Variants in MRAP2 observed in about 807,000 individuals in gnomAD.
The protein encoded by MRAP2 is melanocortin 2 receptor accessory protein 2, also known as melanocortin-2 receptor accessory protein 2.
In MRAP2, 20 loss-of-function variants were observed where a neutral mutation model predicts 17.4. The ratio of observed to expected loss-of-function variants is 1.15; its 90% CI spans 0.81 to 1.67. MRAP2 has a LOEUF of 1.67. Ranked by LOEUF, MRAP2 falls within the 40% of genes most tolerant of loss-of-function variation. The pLI, the probability that MRAP2 is intolerant of heterozygous loss-of-function variation, is 0.00. For synonymous variants in MRAP2, 96 were observed against 88.4 expected, an observed-to-expected ratio of 1.09 and a Z score of -0.48; for missense variants, 238 against 240.0, an observed-to-expected ratio of 0.99 and a Z score of 0.05.
the MRAP2 span, chr6:84,124,844 C>A: frequency 1.9e-6 from 1 of 538,480 alleles, no homozygotes; most frequent in Non-Finnish European, 3.2e-6. Flanking sequence ...AGGAAACTGT[C>A]CATAAATCAC....
the MRAP2 span, among the ~76,000 whole-genome samples, chr6:84,118,032 A>G: frequency 6.6e-6 from 1 of 152,128 alleles, no homozygotes; most frequent in East Asian, 1.9e-4. Context: ...GGATCCCTTC[A>G]TCCCCCAATC....
At chr6:84,130,903 G>C in the MRAP2 span, among the ~76,000 whole-genome samples, 1 of 152,060 alleles carries the variant, frequency 6.6e-6, no homozygotes, top group Non-Finnish European at 1.5e-5. Flanking sequence ...GCTAGCTTTT[G>C]AATTTGTTTG....
intron 1 of MRAP2, among the ~76,000 whole-genome samples, chr6:84,036,109 G>A (rs2099485898): frequency 1.3e-5 from 2 of 149,848 alleles, no homozygotes; most frequent in Admixed American, 1.3e-4. Context: ...GCCTCATTGT[G>A]TCATTTTCTG....
At chr6:84,121,879 C>G in the MRAP2 span, among the ~76,000 whole-genome samples, 1 of 138,888 alleles carries the variant, frequency 7.2e-6, no homozygotes, top group Non-Finnish European at 1.5e-5. Context: ...AACATCGCAC[C>G]TCAAGGACCT....
intron 3 of MRAP2, among the ~76,000 whole-genome samples, chr6:84,072,473 A>C (rs184189323): frequency 9.9e-5 from 15 of 152,262 alleles, no homozygotes; most frequent in African/African-American, 3.1e-4. Flanking sequence ...GTTCCAGTGG[A>C]GGTGGTAGGG....
At chr6:84,034,748 A>T (rs1423570687) in intron 1 of MRAP2, among the ~76,000 whole-genome samples, 1 of 152,106 alleles carries the variant, frequency 6.6e-6, no homozygotes, top group Non-Finnish European at 1.5e-5. Flanking sequence ...GGGAACTCTT[A>T]TGCATAAATT....
the MRAP2 span, among the ~76,000 whole-genome samples, chr6:84,119,028 G>C: frequency 1.1e-4 from 17 of 151,972 alleles, no homozygotes; most frequent in African/African-American, 4.1e-4. Flanking sequence ...ACTATATCTG[G>C]TCTCACTGGT....
the MRAP2 span, chr6:84,126,654 T>G: frequency 5.4e-6 from 3 of 553,040 alleles, no homozygotes; most frequent in African/African-American, 2.0e-5. Context: ...TAGCTTTCAT[T>G]CTCTATATCC....
At chr6:84,045,458 TG>T (rs1173996470) in intron 1 of MRAP2, among the ~76,000 whole-genome samples, 2 of 150,866 alleles carry the variant, frequency 1.3e-5, no homozygotes, top group Non-Finnish European at 3.0e-5. Flanking sequence ...TGAAGAAGCC[TG>T]AAAAAAAAAA....
At chr6:84,047,492 TAA>T (rs76197845) in intron 1 of MRAP2, among the ~76,000 whole-genome samples, 4 of 142,076 alleles carry the variant, frequency 2.8e-5, no homozygotes, top group African/African-American at 7.7e-5. Flanking sequence ...AAGCCTAGCC[TAA>T]AAAAAAAAAA....
At chr6:84,046,932 T>C (rs1257038378) in intron 1 of MRAP2, among the ~76,000 whole-genome samples, 1 of 151,812 alleles carries the variant, frequency 6.6e-6, no homozygotes, top group Non-Finnish European at 1.5e-5. Context: ...GGATGATTCC[T>C]CACAGCTTAG....
intron 3 of MRAP2, among the ~76,000 whole-genome samples, chr6:84,076,188 G>T (rs1174351700): frequency 1.3e-5 from 2 of 151,252 alleles, no homozygotes; most frequent in South Asian, 2.1e-4. Context: ...TCAGCCTCCT[G>T]AGTAACTGGG....
At chr6:84,081,744 G>A (rs1037205916) in intron 3 of MRAP2, among the ~76,000 whole-genome samples, 8 of 152,210 alleles carry the variant, frequency 5.3e-5, no homozygotes, top group African/African-American at 1.9e-4. Context: ...ACTTAAACTG[G>A]GAGGCAGAGG....
intron 1 of MRAP2, among the ~76,000 whole-genome samples, chr6:84,054,510 A>G (rs1161722221): frequency 6.6e-6 from 1 of 152,204 alleles, no homozygotes; most frequent in African/African-American, 2.4e-5. Context: ...TGCAAGATCC[A>G]CTATGCAACT....
intron 3 of MRAP2, among the ~76,000 whole-genome samples, chr6:84,070,467 T>C (rs991810247): frequency 2.0e-5 from 3 of 152,346 alleles, no homozygotes; most frequent in African/African-American, 4.8e-5. Flanking sequence ...GTACCTGATA[T>C]AATTTCAGTT....
chr6:84,051,624 G>A (rs190397018), intron 1 of MRAP2, among the ~76,000 whole-genome samples: 1 of 152,306 alleles, frequency 6.6e-6, no homozygotes, highest in East Asian at 1.9e-4. Flanking sequence ...TTGGGAGGCT[G>A]GGGCAGGAGG....
the MRAP2 span, among the ~76,000 whole-genome samples, chr6:84,095,995 G>GA: frequency 6.6e-6 from 1 of 152,214 alleles, no homozygotes; most frequent in Non-Finnish European, 1.5e-5. Flanking sequence ...GCCTTGGGAA[G>GA]AATGTGTGTA....
the MRAP2 span, among the ~76,000 whole-genome samples, chr6:84,111,528 A>T: frequency 5.3e-5 from 8 of 152,348 alleles, no homozygotes; most frequent in South Asian, 1.4e-3. Context: ...TTTTCTAAAT[A>T]TACAATCATG....
At chr6:84,053,665 T>C (rs2099491009) in intron 1 of MRAP2, among the ~76,000 whole-genome samples, 1 of 152,208 alleles carries the variant, frequency 6.6e-6, no homozygotes, top group Non-Finnish European at 1.5e-5. Flanking sequence ...ATAATAGTTG[T>C]GCTGCCTGCT....
Sources: allele counts gnomAD v4.1 joint callset (sites outside exome capture counted in the v4.1 genomes callset), GRCh38; gene constraint gnomAD v4.1.1; transcripts MANE v1.5; gene names NCBI Gene and HGNC (gene_info 2026-07-23, HGNC 2026-07-21).